SGCD: variants seen among roughly 807,000 people sequenced by gnomAD.
The protein encoded by SGCD is sarcoglycan delta.
A neutral mutation model predicts 36.6 loss-of-function variants in SGCD; 18 were observed. That is an observed-to-expected ratio of 0.49 (90% CI 0.34 to 0.73). The LOEUF (loss-of-function observed/expected upper bound fraction) is 0.73. Ranked by LOEUF, SGCD falls within the 30% of genes least tolerant of loss-of-function variation. The probability of loss-of-function intolerance (pLI) is 0.01; values close to 1 mark genes in which losing one functional copy is unlikely to be tolerated. For missense variants in SGCD, 387 were observed against 346.7 expected (o/e 1.12, Z -0.92); for synonymous variants, 133 against 130.6 (o/e 1.02, Z -0.12).
chr5:156,505,585 CA>C (rs1427315446), intron 3 of SGCD, among the ~76,000 whole-genome samples: 1 of 152,166 alleles, frequency 6.6e-6, no homozygotes, highest in Admixed American at 6.5e-5. Context: ...TGTGTCCAGG[CA>C]GGGGCGGCTG....
intron 6 of SGCD, among the ~76,000 whole-genome samples, chr5:156,641,476 A>T (rs1397636228): frequency 1.3e-5 from 2 of 152,210 alleles, no homozygotes; most frequent in African/African-American, 4.8e-5. Flanking sequence ...GTTTATTCAT[A>T]ATTTTTCAAA....
intron 1 of SGCD, among the ~76,000 whole-genome samples, chr5:155,976,668 A>G (rs1758119364): frequency 6.6e-6 from 1 of 152,144 alleles, no homozygotes; most frequent in East Asian, 1.9e-4. Context: ...TTGTTCACTT[A>G]GTTCCGTTTG....
At chr5:155,892,459 G>GAAAAAAAAAAAAAAAAAAAAAAAAAAA (rs70981989) in intron 1 of SGCD, among the ~76,000 whole-genome samples, 1 of 94,312 alleles carries the variant, frequency 1.1e-5, no homozygotes, top group Non-Finnish European at 2.1e-5. Context: ...ATCTGAAAAA[G>GAAAAAAAAAAAAAAAAAAAAAAAAAAA]AAAAAAAAAA....
rs1764933437 is a variant in SGCD, at chr5:156,229,241, T to TATATATATATACATAC, written c.-43-100289_-43-100274dup. ...TAAACTTTATATACATATACATACA[T>TATATATATATACATAC]ATATATATATACATACATACATATA... On this transcript the variant is annotated intron_variant, in intron 3 of 9. Transcript: ENST00000517913. Among the ~76,000 whole-genome samples, 7 of 95,720 alleles carry TATATATATATACATAC rather than the reference T, an allele frequency of 7.3e-5. No homozygotes were observed. In the Admixed American group the frequency reaches 8.3e-4, roughly 11 times the overall value. The allele number at this position is 95,720 out of a possible 152,430, so 62.8% of individuals were successfully genotyped here.
chr5:155,834,465 G>C, the SGCD span, among the ~76,000 whole-genome samples: 12 of 152,194 alleles, frequency 7.9e-5, no homozygotes, highest in Non-Finnish European at 1.5e-5. Context: ...GGTGGGCATA[G>C]GGGTGGTGCT....
chr5:156,413,443 AG>A (rs1772874665), intron 3 of SGCD, among the ~76,000 whole-genome samples: 1 of 152,314 alleles, frequency 6.6e-6, no homozygotes, highest in African/African-American at 2.4e-5. Context: ...CAAACCTAGA[AG>A]GCCAAATGCA....
chr5:156,416,060 T>C (rs1773012791), intron 3 of SGCD, among the ~76,000 whole-genome samples: 1 of 152,244 alleles, frequency 6.6e-6, no homozygotes, highest in Non-Finnish European at 1.5e-5. Flanking sequence ...TCTCTAATAA[T>C]CATCACTGCA....
the SGCD span, among the ~76,000 whole-genome samples, chr5:155,735,740 A>G: frequency 0.26 from 39,600 of 152,148 alleles, 7,946 homozygotes; most frequent in African/African-American, 0.56. Flanking sequence ...GAAATTATTT[A>G]CTGATCGGGC....
intron 7 of SGCD, among the ~76,000 whole-genome samples, chr5:156,746,934 T>C (rs1248217261): frequency 6.6e-6 from 1 of 151,554 alleles, no homozygotes; most frequent in Non-Finnish European, 1.5e-5. Flanking sequence ...ATAAAGAAAC[T>C]CATAGATTGG....
At chr5:156,128,188 A>G (rs1430935235) in intron 3 of SGCD, among the ~76,000 whole-genome samples, 5 of 152,188 alleles carry the variant, frequency 3.3e-5, no homozygotes, top group Non-Finnish European at 7.4e-5. Flanking sequence ...ACAATGAGAT[A>G]CTTCTACACG....
intron 3 of SGCD, among the ~76,000 whole-genome samples, chr5:156,216,445 G>T (rs1284696264): frequency 7.9e-5 from 12 of 152,070 alleles, no homozygotes; most frequent in Admixed American, 7.9e-4. Context: ...GCAATTTTTA[G>T]TAATAATTTA....
rs566697458 is a variant in SGCD, at chr5:156,175,870, G to A, written c.-44+51851G>A. On this transcript the variant is annotated intron_variant, in intron 3 of 9. Coordinates refer to the SGCD transcript ENST00000517913. Reference sequence around the variant, plus strand: ...ACAAAATTACGGTACCCTAAATTAAGGAGTAAAGATTTATGATCACCTCAG... The same window carrying A: ...ACAAAATTACGGTACCCTAAATTAAAGAGTAAAGATTTATGATCACCTCAG... Among the ~76,000 whole-genome samples the A allele has an allele frequency of 2.6e-3, 358 of 136,694 alleles. 2 individuals carry two copies. The highest frequency in any genetic ancestry group is 9.5e-3 in the African/African-American group (338 of 35,554). The allele number at this position is 136,694 out of a possible 152,430, so 89.7% of individuals were successfully genotyped here. A position where few individuals can be genotyped will look rare whatever the true frequency, so the allele number is the denominator to read the frequency against.
chr5:156,012,048 GAT>G (rs1234672686), intron 1 of SGCD, among the ~76,000 whole-genome samples: 1 of 152,204 alleles, frequency 6.6e-6, no homozygotes, highest in Non-Finnish European at 1.5e-5. Flanking sequence ...AGGGAGGAGA[GAT>G]ATGTCACTAT....
chr5:156,387,180 C>A (rs2127752192), intron 3 of SGCD, among the ~76,000 whole-genome samples: 1 of 152,218 alleles, frequency 6.6e-6, no homozygotes, highest in African/African-American at 2.4e-5. Flanking sequence ...GCACATGAGC[C>A]TCATGCATTT....
chr5:156,373,025 A>G (rs1165118544), intron 3 of SGCD, among the ~76,000 whole-genome samples: 6 of 152,088 alleles, frequency 3.9e-5, no homozygotes, highest in African/African-American at 1.2e-4. Context: ...GTCTTCTTTC[A>G]TACCACCCCA....
intron 1 of SGCD, among the ~76,000 whole-genome samples, chr5:156,019,906 A>G (rs1319092836): frequency 6.6e-6 from 1 of 152,190 alleles, no homozygotes; most frequent in Non-Finnish European, 1.5e-5. Context: ...GGCCTAACTC[A>G]TGTCTCCAAT....
intron 3 of SGCD, among the ~76,000 whole-genome samples, chr5:156,416,662 G>C (rs562138690): frequency 1.3e-5 from 2 of 152,206 alleles, no homozygotes; most frequent in Non-Finnish European, 2.9e-5. Context: ...CTAACTTGCT[G>C]TGTCACCTTG....
At chr5:156,713,683 A>G (rs1266710057) in intron 7 of SGCD, among the ~76,000 whole-genome samples, 1 of 152,222 alleles carries the variant, frequency 6.6e-6, no homozygotes, top group East Asian at 1.9e-4. Context: ...CTCCAGATGC[A>G]AATCTCCCGA....
rs75789246 is a variant in SGCD at position 156,573,200 on chromosome 5, C to T, written c.295-16031C>T. On this transcript the variant is annotated intron_variant, in intron 4 of 8. Coordinates refer to ENST00000337851, the MANE Select transcript of SGCD (RefSeq NM_000337.6). Reference sequence around the variant, plus strand: ...CTGTACTTCTTAAGAGCTTTACAGACTCAGCAGTCTTAGAGTATGAAGGTC... The same window carrying T: ...CTGTACTTCTTAAGAGCTTTACAGATTCAGCAGTCTTAGAGTATGAAGGTC... Among the ~76,000 whole-genome samples the T allele has an allele frequency of 3.0e-3, 455 of 152,182 alleles. 3 individuals are homozygous for T. Among genetic ancestry groups the T allele is most frequent in the African/African-American group, 0.01 (435 of 41,524 alleles).
Sources: allele counts gnomAD v4.1 joint callset (sites outside exome capture counted in the v4.1 genomes callset), GRCh38; gene constraint gnomAD v4.1.1; transcripts MANE v1.5; gene names NCBI Gene and HGNC (gene_info 2026-07-23, HGNC 2026-07-21).